The following ARHGAP29 variants were observed in gnomAD, a reference collection of about 807,000 sequenced individuals.
ARHGAP29 encodes Rho GTPase activating protein 29.
ARHGAP29 carries 43 observed loss-of-function variants against 122.6 expected under a neutral mutation model. The observed-to-expected ratio is 0.35, with a 90% CI of 0.27 to 0.45. The LOEUF is 0.45. Among genes scored for constraint, ARHGAP29 ranks in the 20% least tolerant of loss-of-function variants. The pLI is 1.00. For missense variants in ARHGAP29, 1,303 were observed against 1,477.2 expected (o/e 0.88, Z 1.93); for synonymous variants, 506 against 497.1 (o/e 1.02, Z -0.24).
At chr1:94,197,883 CCAT>C (rs1650571493) in intron 12 of ARHGAP29, among the ~76,000 whole-genome samples, 1 of 152,178 alleles carries the variant, frequency 6.6e-6, no homozygotes, top group Non-Finnish European at 1.5e-5. Flanking sequence ...ACAGCTATCA[CCAT>C]ATTTTATGAT....
intron 20 of ARHGAP29, 142 bp downstream of exon 20, chr1:94,179,583 A>G: frequency 3.6e-6 from 2 of 557,324 alleles, no homozygotes; most frequent in Non-Finnish European, 5.7e-6. Flanking sequence ...ACAGAGCGAG[A>G]CTCTGTCTCA....
In ARHGAP29 at chr1:94,201,871, A is replaced by G. The variant is rs1371085502; in HGVS notation, c.1144-14T>C. On this transcript the variant is annotated splice_polypyrimidine_tract_variant and intron_variant, in intron 11 of 22. Transcript: ENST00000260526. Reference sequence around the variant, plus strand: ...TGCTTCTTCTACCTTCACAAATATCACAGAAAAAAAAATAACACTAGAATT... The same window carrying G: ...TGCTTCTTCTACCTTCACAAATATCGCAGAAAAAAAAATAACACTAGAATT... 1.4e-6 allele frequency: 2 copies of G among 1,429,480 alleles called. No individual in the cohort carries two copies. Among genetic ancestry groups the G allele is most frequent in the Middle Eastern group, 1.9e-4 (1 of 5,188 alleles). The allele number at this position is 1,429,480 out of a possible 1,614,324, so 88.5% of individuals were successfully genotyped here.
At chr1:94,202,790 CTT>C (rs1650932890) in intron 10 of ARHGAP29, 58 bp from the exon 11 acceptor site, 1 of 1,574,452 alleles carries the variant, frequency 6.4e-7, no homozygotes, top group South Asian at 1.2e-5. Flanking sequence ...GAACAAGTGT[CTT>C]TAGCATATTC....
intron 5 of ARHGAP29, among the ~76,000 whole-genome samples, chr1:94,206,076 T>C (rs1182155283): frequency 6.6e-6 from 1 of 152,204 alleles, no homozygotes; most frequent in Non-Finnish European, 1.5e-5. Flanking sequence ...CATTTTACTA[T>C]ATGATAAGCA....
intron 1 of ARHGAP29, among the ~76,000 whole-genome samples, chr1:94,235,971 T>C (rs1653226691): frequency 6.6e-6 from 1 of 152,168 alleles, no homozygotes; most frequent in Admixed American, 6.6e-5. Flanking sequence ...CCCCCAAACA[T>C]CTATACTTAC....
the ARHGAP29 span, among the ~76,000 whole-genome samples, chr1:94,304,325 A>G: frequency 6.6e-6 from 1 of 152,216 alleles, no homozygotes. Context: ...TGGTTTGTAT[A>G]AATGGAATCG....
At chr1:94,249,761 AAAAG>A (rs1654010312) in intron 1 of ARHGAP29, among the ~76,000 whole-genome samples, 1 of 152,144 alleles carries the variant, frequency 6.6e-6, no homozygotes, top group Non-Finnish European at 1.5e-5. Context: ...CAAAAAAAAA[AAAAG>A]AAAGAAAATT....
intron 2 of ARHGAP29, among the ~76,000 whole-genome samples, chr1:94,227,070 C>A (rs1357213881): frequency 2.6e-5 from 4 of 151,742 alleles, no homozygotes; most frequent in African/African-American, 4.8e-5. Context: ...GAAGACTTTG[C>A]AAATTTATGC....
At chr1:94,178,888 G>A (rs1252105578) in intron 20 of ARHGAP29, among the ~76,000 whole-genome samples, 1 of 152,126 alleles carries the variant, frequency 6.6e-6, no homozygotes, top group African/African-American at 2.4e-5. Flanking sequence ...TGCACAATGA[G>A]CTCATGTCTC....
intron 11 of ARHGAP29, 46 bp downstream of exon 11, chr1:94,202,498 A>G: frequency 6.2e-7 from 1 of 1,604,400 alleles, no homozygotes; most frequent in Non-Finnish European, 8.5e-7. Context: ...CTCCTGGCAG[A>G]TTACCGCTAA....
intron 1 of ARHGAP29, among the ~76,000 whole-genome samples, chr1:94,264,252 C>T (rs1345739829): frequency 6.6e-6 from 1 of 152,164 alleles, no homozygotes; most frequent in Non-Finnish European, 1.5e-5. Context: ...CACTGAGCCT[C>T]AGGAGTTCTT....
chr1:94,247,443 G>A (rs1653855549), intron 1 of ARHGAP29, among the ~76,000 whole-genome samples: 2 of 151,640 alleles, frequency 1.3e-5, no homozygotes, highest in African/African-American at 4.8e-5. Flanking sequence ...CGCCTGCCTC[G>A]CCGGGCGCGC....
Position 94,171,165 on chromosome 1 carries a change from G to C in ARHGAP29, c.*2704C>G, listed in dbSNP as rs888752326. 6.6e-6 allele frequency among the ~76,000 whole-genome samples: 1 copy of C among 152,174 alleles called. No homozygotes were observed. The highest frequency in any genetic ancestry group is 1.5e-5 in the Non-Finnish European group (1 of 68,024). The stretch of plus-strand genomic sequence containing the variant: ...TGTAACACAACGATAGCTGGGAATA[G>C]TGTAGCCATAGTACCATCTTTAAAT... On this transcript the variant is annotated 3_prime_UTR_variant, in exon 23 of 23. Coordinates refer to ENST00000260526, the MANE Select transcript of ARHGAP29 (RefSeq NM_004815.4).
chr1:94,226,575 C>T (rs1652625221), intron 2 of ARHGAP29, among the ~76,000 whole-genome samples: 1 of 151,804 alleles, frequency 6.6e-6, no homozygotes, highest in Admixed American at 6.6e-5. Context: ...ATGACAAGTA[C>T]TCTGCGATCT....
At chr1:94,207,305 A>C (rs1440617134) in intron 5 of ARHGAP29, among the ~76,000 whole-genome samples, 1 of 152,044 alleles carries the variant, frequency 6.6e-6, no homozygotes, top group East Asian at 1.9e-4. Flanking sequence ...ACCATGCCCT[A>C]TTATTTTTAA....
the ARHGAP29 span, among the ~76,000 whole-genome samples, chr1:94,300,532 T>C: frequency 6.6e-6 from 1 of 152,184 alleles, no homozygotes; most frequent in Non-Finnish European, 1.5e-5. Flanking sequence ...TATCCCTTAA[T>C]CATCCTACTC....
At chr1:94,249,074 G>A (rs1653974298) in intron 1 of ARHGAP29, among the ~76,000 whole-genome samples, 1 of 152,220 alleles carries the variant, frequency 6.6e-6, no homozygotes. Context: ...CATCTGCTAT[G>A]TGGGATAAAT....
chr1:94,290,993 C>T, the ARHGAP29 span, among the ~76,000 whole-genome samples: 182 of 152,092 alleles, frequency 1.2e-3, no homozygotes, highest in African/African-American at 4.1e-3. Context: ...TTTTCTGTCT[C>T]GTTGATCTAA....
chr1:94,218,649 A>C (rs1652101781), intron 3 of ARHGAP29, among the ~76,000 whole-genome samples: 1 of 152,232 alleles, frequency 6.6e-6, no homozygotes, highest in South Asian at 2.1e-4. Flanking sequence ...TTTAGAAACA[A>C]ATTTGGTTAC....
Sources: gnomAD v4.1 joint callset for allele counts (sites outside exome capture counted in the v4.1 genomes callset) on GRCh38, gnomAD v4.1.1 for gene constraint, MANE v1.5 for transcripts, NCBI Gene and HGNC (gene_info 2026-07-23, HGNC 2026-07-21) for gene names.